Variants in CLASP2 observed in about 807,000 individuals in gnomAD.
CLASP2 encodes the protein CLIP-associating protein 2.
CLASP2 carries 47 observed loss-of-function variants against 194.4 expected under a neutral mutation model. The ratio of observed to expected loss-of-function variants is 0.24; its 90% CI spans 0.19 to 0.31. The LOEUF is 0.31. CLASP2 is among the 10% of genes least tolerant of loss of function. CLASP2 has a pLI of 1.00. For missense variants in CLASP2, 1,445 were observed against 1,823.6 expected (o/e 0.79, Z 3.78); for synonymous variants, 619 against 633.5 (o/e 0.98, Z 0.34).
intron 17 of CLASP2, among the ~76,000 whole-genome samples, chr3:33,603,477 G>A (rs114302819): frequency 8.6e-4 from 131 of 152,232 alleles, no homozygotes; most frequent in African/African-American, 3.0e-3. Context: ...GAAAGCAGCA[G>A]TATTATTTTT....
At chr3:33,600,997 C>T (rs1280059449) in intron 18 of CLASP2, among the ~76,000 whole-genome samples, 1 of 138,066 alleles carries the variant, frequency 7.2e-6, no homozygotes, top group Non-Finnish European at 1.5e-5. Context: ...CTTGCTCCGT[C>T]CCTCAGGCTG....
chr3:33,581,754 C>T, intron 23 of CLASP2, 67 bp downstream of exon 23: 2 of 1,058,340 alleles, frequency 1.9e-6, no homozygotes, highest in Non-Finnish European at 2.9e-6. Context: ...CCCAGGTATG[C>T]TGAAGTTAAC....
intron 6 of CLASP2, among the ~76,000 whole-genome samples, chr3:33,667,130 G>A (rs1317145391): frequency 1.3e-5 from 2 of 151,972 alleles, no homozygotes; most frequent in African/African-American, 4.8e-5. Context: ...ATTTGATTTT[G>A]GCCAGGTACG....
chr3:33,511,590 C>G (rs1434386522), intron 36 of CLASP2, among the ~76,000 whole-genome samples: 1 of 152,122 alleles, frequency 6.6e-6, no homozygotes, highest in Non-Finnish European at 1.5e-5. Flanking sequence ...CTAATATTTT[C>G]TTCCTTCTGT....
chr3:33,499,150 T>C (rs1180883294), intron 38 of CLASP2, among the ~76,000 whole-genome samples: 1 of 152,104 alleles, frequency 6.6e-6, no homozygotes, highest in Non-Finnish European at 1.5e-5. Context: ...TAGTGAGTTC[T>C]CACAAAATCT....
In CLASP2 at chr3:33,608,555, G is replaced by C; in HGVS notation, c.1448+12C>G. 1.2e-6 allele frequency: 2 copies of C among 1,601,878 alleles called. No homozygotes were observed. The highest frequency in any genetic ancestry group is 1.1e-5 in the South Asian group (1 of 89,762). On this transcript the variant is annotated intron_variant, in intron 14 of 38. Transcript: ENST00000682230. ...GGGAGGAAAGTGGGAGGAAGGAAGA[G>C]GGAATGCATACCTTTCCAATGAATG...
At chr3:33,638,395 C>G (rs765943502) in intron 8 of CLASP2, among the ~76,000 whole-genome samples, 1 of 152,168 alleles carries the variant, frequency 6.6e-6, no homozygotes, top group African/African-American at 2.4e-5. Flanking sequence ...AGCTCCACCT[C>G]CCGGGTTCAT....
chr3:33,605,669 A>T (rs2154259052), intron 16 of CLASP2, among the ~76,000 whole-genome samples: 1 of 152,252 alleles, frequency 6.6e-6, no homozygotes, highest in South Asian at 2.1e-4. Flanking sequence ...CCCAGGCTGG[A>T]GTGCAGTGGC....
intron 12 of CLASP2, among the ~76,000 whole-genome samples, chr3:33,615,991 C>T (rs919924511): frequency 2.0e-5 from 3 of 150,848 alleles, no homozygotes; most frequent in African/African-American, 7.3e-5. Context: ...TGCAAATTGT[C>T]TAAAGATATA....
intron 8 of CLASP2, among the ~76,000 whole-genome samples, chr3:33,638,334 T>G (rs900343176): frequency 1.3e-5 from 2 of 152,146 alleles, no homozygotes; most frequent in Non-Finnish European, 2.9e-5. Context: ...AGATGGAGTC[T>G]CGCTCCGTCG....
chr3:33,559,216 T>G, intron 29 of CLASP2, 91 bp downstream of exon 29: 4 of 884,906 alleles, frequency 4.5e-6, no homozygotes, highest in Middle Eastern at 2.1e-4. Flanking sequence ...TTGAACAGCT[T>G]CTCATGTGAC....
At chr3:33,531,264 C>A (rs2056222578) in intron 34 of CLASP2, among the ~76,000 whole-genome samples, 1 of 151,966 alleles carries the variant, frequency 6.6e-6, no homozygotes, top group African/African-American at 2.4e-5. Flanking sequence ...AAATGGCAAC[C>A]CACAGAATGG....
At chr3:33,644,183 T>C (rs2081883987) in intron 8 of CLASP2, among the ~76,000 whole-genome samples, 1 of 152,128 alleles carries the variant, frequency 6.6e-6, no homozygotes, top group South Asian at 2.1e-4. Context: ...TCAATGAATA[T>C]GCTATGAATT....
intron 29 of CLASP2, chr3:33,558,973 G>C: frequency 2.8e-6 from 1 of 357,972 alleles, no homozygotes; most frequent in South Asian, 2.4e-5. Flanking sequence ...TTCTCCAAAA[G>C]ACTTAGAGTC....
intron 33 of CLASP2, among the ~76,000 whole-genome samples, chr3:33,536,919 G>A (rs1352919445): frequency 6.6e-6 from 1 of 152,220 alleles, no homozygotes; most frequent in Non-Finnish European, 1.5e-5. Flanking sequence ...ATAGGAAAGA[G>A]CAGCTTTAGG....
At chr3:33,637,916 C>G (rs1477738933) in intron 8 of CLASP2, among the ~76,000 whole-genome samples, 5 of 152,170 alleles carry the variant, frequency 3.3e-5, no homozygotes, top group Non-Finnish European at 5.9e-5. Context: ...ACATAAAGAT[C>G]TGCATTTTCT....
intron 1 of CLASP2, 38 bp downstream of exon 1, chr3:33,717,770 G>C (rs1352660481): frequency 1.3e-6 from 2 of 1,545,040 alleles, no homozygotes; most frequent in Non-Finnish European, 1.7e-6. Context: ...GGCTGCCGCG[G>C]AGGGCGTGAC....
chr3:33,524,644 C>T (rs1254849084), intron 34 of CLASP2, among the ~76,000 whole-genome samples: 1 of 151,782 alleles, frequency 6.6e-6, no homozygotes, highest in Non-Finnish European at 1.5e-5. Context: ...AAAGTGAGAC[C>T]CTGTCTTAGG....
chr3:33,686,147 A>T (rs1285057069), intron 5 of CLASP2, among the ~76,000 whole-genome samples: 2 of 152,334 alleles, frequency 1.3e-5, no homozygotes, highest in East Asian at 3.9e-4. Context: ...TCTTCAGAGC[A>T]GGTAGGATCT....
Sources: gnomAD v4.1 joint callset for allele counts (sites outside exome capture counted in the v4.1 genomes callset) on GRCh38, gnomAD v4.1.1 for gene constraint, MANE v1.5 for transcripts, NCBI Gene and HGNC (gene_info 2026-07-23, HGNC 2026-07-21) for gene names.